The following PCDHGA5 variants were observed in gnomAD, a reference collection of about 807,000 sequenced individuals.
The protein encoded by PCDHGA5 is protocadherin gamma subfamily A, 5.
PCDHGA5 carries 36 observed loss-of-function variants against 56.7 expected under a neutral mutation model. The ratio of observed to expected loss-of-function variants is 0.64; its 90% confidence interval spans 0.49 to 0.84. The LOEUF is 0.84. PCDHGA5 is among the 40% of genes least tolerant of loss of function. PCDHGA5 has a pLI of 0.00. For missense variants in PCDHGA5, 1,305 were observed against 1,201.5 expected (o/e 1.09, Z -1.27); for synonymous variants, 563 against 520.2 (o/e 1.08, Z -1.12).
At chr5:141,429,037 G>A (rs1404164429) in intron 1 of PCDHGA5, 1 of 152,054 alleles carries the variant, frequency 6.6e-6, no homozygotes, top group African/African-American at 2.4e-5. Flanking sequence ...TGCATTTTTA[G>A]TACAGACGGG....
chr5:141,501,237 A>G (rs1327502244), intron 2 of PCDHGA5, among the ~76,000 whole-genome samples: 1 of 150,372 alleles, frequency 6.7e-6, no homozygotes, highest in Non-Finnish European at 1.5e-5. Flanking sequence ...CAGTTTTTTG[A>G]GCATGATGTA....
At chr5:141,473,944 CTGTA>C (rs2099333270) in intron 1 of PCDHGA5, among the ~76,000 whole-genome samples, 2 of 152,156 alleles carry the variant, frequency 1.3e-5, no homozygotes, top group Non-Finnish European at 2.9e-5. Context: ...TAGCTCAGGC[CTGTA>C]GTCCCATCTA....
chr5:141,419,316 G>C (rs775328616), intron 1 of PCDHGA5: 2 of 1,613,876 alleles, frequency 1.2e-6, no homozygotes, highest in African/African-American at 1.3e-5. Flanking sequence ...CTCAACGGCC[G>C]TGTCTCCTAC....
chr5:141,385,704 T>C (rs1297599541), intron 1 of PCDHGA5: 1 of 268,260 alleles, frequency 3.7e-6, no homozygotes. Context: ...CTCTTTAGCA[T>C]TCAAATATGT....
Position 141,476,477 on chromosome 5 carries a change from G to C in PCDHGA5, c.2422-18330G>C. ...GGAGAACCCGCTGGAGCTGTTCAGCGTGGAAGTGGTGATCCAGGACATCAA... is the reference window on the plus strand; with the variant it reads ...GGAGAACCCGCTGGAGCTGTTCAGCCTGGAAGTGGTGATCCAGGACATCAA... On this transcript the variant is annotated intron_variant, in intron 1 of 3. Coordinates refer to ENST00000518069, the MANE Select transcript of PCDHGA5 (RefSeq NM_018918.3). The surrounding 1 kb of genome is among the most constrained non-coding windows in gnomAD (Gnocchi z 7.6). The C allele has an allele frequency of 5.0e-6, 8 of 1,614,078 alleles. No homozygotes were observed. Among genetic ancestry groups the C allele is most frequent in the Non-Finnish European group, 6.8e-6 (8 of 1,180,018 alleles).
chr5:141,413,218 A>G, intron 1 of PCDHGA5: 1 of 1,613,610 alleles, frequency 6.2e-7, no homozygotes. Flanking sequence ...AAAGGATTGC[A>G]GCGGGCTGGT....
At chr5:141,375,316 C>T (rs1308700957) in intron 1 of PCDHGA5, 4 of 1,613,660 alleles carry the variant, frequency 2.5e-6, no homozygotes, top group South Asian at 2.2e-5. Flanking sequence ...CAGCTCTAGA[C>T]CGGGAAGAGG....
intron 1 of PCDHGA5, chr5:141,478,597 C>T: frequency 6.4e-7 from 1 of 1,567,010 alleles, no homozygotes; most frequent in Non-Finnish European, 8.7e-7. Flanking sequence ...TTTATTCCTA[C>T]ATCATATTGA....
intron 3 of PCDHGA5, among the ~76,000 whole-genome samples, chr5:141,506,429 A>G (rs1406730781): frequency 7.0e-6 from 1 of 143,144 alleles, no homozygotes; most frequent in Non-Finnish European, 1.5e-5. Flanking sequence ...CCTGGGCAAC[A>G]GTCTCGCTCT....
chr5:141,488,428 C>A (rs1234461104), intron 1 of PCDHGA5, among the ~76,000 whole-genome samples: 1 of 152,186 alleles, frequency 6.6e-6, no homozygotes, highest in Non-Finnish European at 1.5e-5. Context: ...CATGCTTGGC[C>A]TCTGACCACC....
chr5:141,483,444 T>C (rs956913442), intron 1 of PCDHGA5, among the ~76,000 whole-genome samples: 1 of 152,108 alleles, frequency 6.6e-6, no homozygotes, highest in African/African-American at 2.4e-5. Context: ...TACAATAAAA[T>C]CATCAGGACT....
At chr5:141,441,087 TGACA>T (rs1168679217) in intron 1 of PCDHGA5, 1 of 152,174 alleles carries the variant, frequency 6.6e-6, no homozygotes, top group Non-Finnish European at 1.5e-5. Flanking sequence ...TGGTAGCAAG[TGACA>T]GAGAGGGACT....
In PCDHGA5 at chr5:141,477,097, G is replaced by A; in HGVS notation, c.2422-17710G>A. ...AGATTTACATCCAGGCCAAAGACAAGGGCGCCAATCCCGAAGGAGCACATT... is the reference window on the plus strand; with the variant it reads ...AGATTTACATCCAGGCCAAAGACAAAGGCGCCAATCCCGAAGGAGCACATT... On this transcript the variant is annotated intron_variant, in intron 1 of 3. Transcript: ENST00000518069. This position sits in a 1 kb window ranked among gnomAD's most constrained non-coding sequence, Gnocchi z 4.9. 1 of 1,614,242 alleles carries A rather than the reference G, an allele frequency of 6.2e-7. No homozygotes were observed. Among genetic ancestry groups the A allele is most frequent in the South Asian group, 1.1e-5 (1 of 91,088 alleles).
intron 1 of PCDHGA5, chr5:141,388,456 A>G: frequency 5.0e-6 from 8 of 1,613,810 alleles, no homozygotes; most frequent in Non-Finnish European, 5.9e-6. Flanking sequence ...GGCAGTAAAT[A>G]CCCTGAGATG....
chr5:141,384,158 T>A (rs1449699621), intron 1 of PCDHGA5: 1 of 1,613,550 alleles, frequency 6.2e-7, no homozygotes, highest in Non-Finnish European at 8.5e-7. Flanking sequence ...TTGTATAACA[T>A]CACACTGAAA....
intron 1 of PCDHGA5, among the ~76,000 whole-genome samples, chr5:141,447,644 G>A (rs1212910845): frequency 1.3e-5 from 2 of 152,146 alleles, no homozygotes; most frequent in Admixed American, 1.3e-4. Context: ...AATGATGGTA[G>A]AATTTTCCCC....
In PCDHGA5 at chr5:141,489,835, C is replaced by G; in HGVS notation, c.2422-4972C>G. On this transcript the variant is annotated intron_variant, in intron 1 of 3. Transcript: ENST00000518069. This position sits in a 1 kb window ranked among gnomAD's most constrained non-coding sequence, Gnocchi z 4.5. Reference sequence around the variant, plus strand: ...ATTCCCAGAGCTGGTGCTAGAGCAGCAGCTGGATCGTGAAGCCCAGGCAAG... The same window carrying G: ...ATTCCCAGAGCTGGTGCTAGAGCAGGAGCTGGATCGTGAAGCCCAGGCAAG... The G allele has an allele frequency of 6.2e-7, 1 of 1,614,164 alleles. No homozygotes were observed. Among genetic ancestry groups the G allele is most frequent in the Non-Finnish European group, 8.5e-7 (1 of 1,179,972 alleles).
chr5:141,438,714 G>A (rs1051491309), intron 1 of PCDHGA5, among the ~76,000 whole-genome samples: 1 of 147,786 alleles, frequency 6.8e-6, no homozygotes, highest in South Asian at 2.2e-4. Flanking sequence ...AGGCTGGAGT[G>A]CAAGTGGTGT....
chr5:141,430,155 A>G (rs1440666899), intron 1 of PCDHGA5, among the ~76,000 whole-genome samples: 7 of 152,184 alleles, frequency 4.6e-5, no homozygotes, highest in Admixed American at 1.3e-4. Flanking sequence ...CATTCAAGGA[A>G]TCTATTTAAA....
Sources: allele counts gnomAD v4.1 joint callset (sites outside exome capture counted in the v4.1 genomes callset), GRCh38; gene constraint gnomAD v4.1.1; non-coding constraint Gnocchi (gnomAD v3.1); transcripts MANE v1.5; gene names NCBI Gene and HGNC (gene_info 2026-07-23, HGNC 2026-07-21).